Variants in ANKRD12 observed in about 807,000 individuals in gnomAD.
The protein encoded by ANKRD12 is ankyrin repeat domain-containing protein 12.
ANKRD12 carries 85 observed loss-of-function variants against 183.4 expected under a neutral mutation model. The observed-to-expected ratio is 0.46, with a 90% confidence interval of 0.39 to 0.56. The LOEUF (loss-of-function observed/expected upper bound fraction) is 0.56, where lower values mean the gene tolerates loss of function less well. Among genes scored for constraint, ANKRD12 ranks in the 20% least tolerant of loss-of-function variants. ANKRD12 has a pLI of 0.00. For missense variants in ANKRD12, 2,405 were observed against 2,357.1 expected, an observed-to-expected ratio of 1.02 and a Z score of -0.42; for synonymous variants, 914 against 800.2, an observed-to-expected ratio of 1.14 and a Z score of -2.40.
In ANKRD12 at chr18:9,216,742, A is replaced by G. The variant is rs1383666237; in HGVS notation, c.653-16A>G. ...TAGCGCAAGTGAATCATGTTAAATT[A>G]ATAATCTAACTTTAGGTTGGACACC... is the stretch of plus-strand genomic sequence containing the variant. On this transcript the variant is annotated splice_polypyrimidine_tract_variant and intron_variant, in intron 6 of 12. Transcript: ENST00000262126. 1 of 1,609,768 alleles carries G rather than the reference A, an allele frequency of 6.2e-7. No individual in the cohort carries two copies. Among genetic ancestry groups the G allele is most frequent in the Non-Finnish European group, 8.5e-7 (1 of 1,177,874 alleles).
intron 8 of ANKRD12, among the ~76,000 whole-genome samples, chr18:9,237,317 T>TG (rs1267217782): frequency 1.3e-5 from 2 of 152,228 alleles, no homozygotes; most frequent in Non-Finnish European, 2.9e-5. Context: ...CAAAGATTGA[T>TG]GGTCACTGGA....
In ANKRD12 at chr18:9,172,340, CT is replaced by C. The variant is rs528025205; in HGVS notation, c.-51-10041del. 1.9e-3 allele frequency among the ~76,000 whole-genome samples: 290 copies of C among 152,244 alleles called. 1 individual carries two copies. The highest frequency in any genetic ancestry group is 1.9e-3 in the Non-Finnish European group (127 of 68,028). Reference sequence around the variant, plus strand: ...TTTCTAATTTGATTCCATTCTTCTCCTGTCTTTCAGGCACCCCAATCAGTCA... The same window carrying C: ...TTTCTAATTTGATTCCATTCTTCTCCGTCTTTCAGGCACCCCAATCAGTCA... On this transcript the variant is annotated intron_variant, in intron 1 of 12. Transcript: ENST00000262126.
chr18:9,187,322 G>A (rs769013498), intron 2 of ANKRD12, among the ~76,000 whole-genome samples: 14 of 152,132 alleles, frequency 9.2e-5, no homozygotes, highest in Non-Finnish European at 2.1e-4. Flanking sequence ...GGAGGCTGAA[G>A]TAGAAGGATT....
intron 9 of ANKRD12, among the ~76,000 whole-genome samples, chr18:9,262,820 A>G (rs2039058913): frequency 1.4e-5 from 1 of 69,034 alleles, no homozygotes; most frequent in Non-Finnish European, 2.5e-5. Flanking sequence ...TTTTTTTGAG[A>G]CAGAGTCTCG....
At chr18:9,279,691 A>T (rs763295055) in intron 12 of ANKRD12, 47 bp downstream of exon 12, 3 of 404,924 alleles carry the variant, frequency 7.4e-6, no homozygotes, top group Admixed American at 5.0e-5. Flanking sequence ...CCCCCTTCTT[A>T]AAAAAAAAAA....
intron 1 of ANKRD12, among the ~76,000 whole-genome samples, chr18:9,181,707 C>T (rs2033711721): frequency 6.6e-6 from 1 of 152,106 alleles, no homozygotes. Flanking sequence ...ACATGTAAAA[C>T]CCCTTGGAAT....
At chr18:9,263,281 A>G (rs2039088672) in intron 9 of ANKRD12, among the ~76,000 whole-genome samples, 2 of 152,218 alleles carry the variant, frequency 1.3e-5, no homozygotes, top group Admixed American at 1.3e-4. Context: ...TTGGGATATT[A>G]CATGTAATAA....
At chr18:9,240,460 A>G (rs1403658754) in intron 8 of ANKRD12, among the ~76,000 whole-genome samples, 2 of 152,190 alleles carry the variant, frequency 1.3e-5, no homozygotes, top group African/African-American at 4.8e-5. Context: ...CTCATAAACC[A>G]TAATCGTGGA....
intron 10 of ANKRD12, among the ~76,000 whole-genome samples, chr18:9,271,532 T>A (rs7243691): frequency 0.99 from 149,589 of 151,442 alleles, 73,891 homozygotes; most frequent in Non-Finnish European, 1. Flanking sequence ...AAAAAAAAAA[T>A]TTTTTTATAG....
At chr18:9,196,150 C>CACACACAT (rs1567903991) in intron 3 of ANKRD12, among the ~76,000 whole-genome samples, 13 of 131,204 alleles carry the variant, frequency 9.9e-5, no homozygotes, top group African/African-American at 4.0e-4. Flanking sequence ...CACACACACA[C>CACACACAT]ATTGAGGCTA....
intron 8 of ANKRD12, among the ~76,000 whole-genome samples, chr18:9,251,835 A>G (rs2038317289): frequency 6.6e-6 from 1 of 152,204 alleles, no homozygotes; most frequent in Non-Finnish European, 1.5e-5. Flanking sequence ...AAATTTTAAT[A>G]AAATGTTTTA....
Position 9,156,151 on chromosome 18 carries a change from A to G in ANKRD12, c.-52+19186A>G, listed in dbSNP as rs796993738. ...AGACTCTGTCTCAAAAAAAAAAAAAAAAAAGAAAAAGACTTTTGACTTTTA... is the reference window on the plus strand; with the variant it reads ...AGACTCTGTCTCAAAAAAAAAAAAAGAAAAGAAAAAGACTTTTGACTTTTA... On this transcript the variant is annotated intron_variant, in intron 1 of 12. Coordinates refer to ENST00000262126, the MANE Select transcript of ANKRD12 (RefSeq NM_015208.5). Among the ~76,000 whole-genome samples, 10 of 150,758 alleles carry G rather than the reference A, an allele frequency of 6.6e-5. No individual in the cohort carries two copies. The East Asian group carries it at 1.9e-3, about 29-fold the overall frequency.
intron 1 of ANKRD12, among the ~76,000 whole-genome samples, chr18:9,180,559 C>T (rs2033628604): frequency 1.3e-5 from 2 of 151,436 alleles, no homozygotes; most frequent in African/African-American, 2.4e-5. Context: ...TTTTAATATT[C>T]CATTTTAATT....
chr18:9,218,549 A>G (rs987540545), intron 7 of ANKRD12, among the ~76,000 whole-genome samples: 1 of 152,226 alleles, frequency 6.6e-6, no homozygotes, highest in South Asian at 2.1e-4. Flanking sequence ...AAGCAGAAAT[A>G]TAACGGTTCT....
chr18:9,214,467 T>C (rs1438637120), intron 6 of ANKRD12, among the ~76,000 whole-genome samples: 1 of 152,134 alleles, frequency 6.6e-6, no homozygotes, highest in Admixed American at 6.5e-5. Flanking sequence ...AAACACCATG[T>C]GACTGACACA....
intron 4 of ANKRD12, among the ~76,000 whole-genome samples, chr18:9,206,209 A>C (rs1293677683): frequency 6.6e-6 from 1 of 152,062 alleles, no homozygotes; most frequent in African/African-American, 2.4e-5. Flanking sequence ...ATAGTAGACT[A>C]TGCTAAATGA....
chr18:9,178,726 A>G (rs2033482256), intron 1 of ANKRD12, among the ~76,000 whole-genome samples: 1 of 152,170 alleles, frequency 6.6e-6, no homozygotes, highest in Non-Finnish European at 1.5e-5. Flanking sequence ...CCTTGAATTT[A>G]TAGAGCAATT....
In ANKRD12 at chr18:9,256,901, T is replaced by G. The variant is rs1483997035; in HGVS notation, c.3634T>G (p.Ser1212Ala). ...RSVSMISVAS[S>A]EDSCHTTVTT... is the part of the protein sequence containing the mutation. ...TGTATCCATGATTTCTGTTGCTAGT[T>G]CAGAAGATTCCTGCCATACTACAGT... The change falls in exon 9 of 13, where the codon TCA becomes GCA. Residue 1212 changes from serine (S) to alanine (A), a missense_variant. Around this residue, in one of 7 missense-constraint regions of ANKRD12, gnomAD observed 1,983 missense variants for 1,725.9 expected, o/e 1.15. Transcript: ENST00000262126. 4.3e-6 allele frequency: 7 copies of G among 1,613,998 alleles called. No homozygotes were observed. The highest frequency in any genetic ancestry group is 5.9e-6 in the Non-Finnish European group (7 of 1,179,956).
chr18:9,196,513 A>C (rs1344485066), intron 3 of ANKRD12, among the ~76,000 whole-genome samples: 1 of 152,188 alleles, frequency 6.6e-6, no homozygotes, highest in Non-Finnish European at 1.5e-5. Context: ...TTCCATTCTG[A>C]GTTTACGTAC....
Sources: allele counts gnomAD v4.1 joint callset (sites outside exome capture counted in the v4.1 genomes callset), GRCh38; gene constraint gnomAD v4.1.1; regional missense constraint gnomAD v4.1.1; transcripts MANE v1.5; gene names NCBI Gene and HGNC (gene_info 2026-07-23, HGNC 2026-07-21).